VPS4A: variants seen among roughly 807,000 people sequenced by gnomAD.
VPS4A encodes vacuolar protein sorting 4 homolog A.
VPS4A carries 20 observed loss-of-function variants against 52.3 expected under a neutral mutation model. The ratio of observed to expected loss-of-function variants is 0.38; its 90% confidence interval spans 0.27 to 0.56. The LOEUF (loss-of-function observed/expected upper bound fraction) is 0.56, where lower values mean the gene tolerates loss of function less well. Ranked by LOEUF, VPS4A falls within the 20% of genes least tolerant of loss-of-function variation. The probability of loss-of-function intolerance (pLI) is 0.72; values close to 1 mark genes in which losing one functional copy is unlikely to be tolerated. For missense variants in VPS4A, 419 were observed against 575.9 expected, an observed-to-expected ratio of 0.73 and a Z score of 2.79; for synonymous variants, 293 against 227.7, an observed-to-expected ratio of 1.29 and a Z score of -2.58.
intron 5 of VPS4A, 69 bp from the exon 6 acceptor site, chr16:69,319,318 C>G (rs941333455): frequency 3.2e-6 from 5 of 1,586,590 alleles, no homozygotes; most frequent in African/African-American, 2.7e-5. Context: ...GTATGGGACT[C>G]GAGACCCTCT....
At position 69,322,801 on chromosome 16, in the gene VPS4A, A is replaced by G. The variant is rs935372983; in HGVS notation, c.1212+101A>G. 1.7e-5 allele frequency: 24 copies of G among 1,445,026 alleles called. 1 individual carries two copies. The highest frequency in any genetic ancestry group is 5.7e-5 in the South Asian group (4 of 70,378). The allele number at this position is 1,445,026 out of a possible 1,614,324, so 89.5% of individuals were successfully genotyped here. A position where few individuals can be genotyped will look rare whatever the true frequency, so the allele number is the denominator to read the frequency against. On this transcript the variant is annotated intron_variant, in intron 10 of 10. Coordinates refer to ENST00000254950, the MANE Select transcript of VPS4A (RefSeq NM_013245.3). ...CGGTCTTCTCCAGGCCAGGCATGGT[A>G]GCTCACGCCTGTAATCCCAGCACTT...
chr16:69,318,982 C>G (rs533533192), intron 5 of VPS4A, 40 bp downstream of exon 5: 1 of 1,598,208 alleles, frequency 6.3e-7, no homozygotes, highest in South Asian at 1.1e-5. Flanking sequence ...GTAAAAATTC[C>G]AGGCTTCCGC....
In VPS4A at chr16:69,320,864, T is replaced by A; in HGVS notation, c.851+95T>A. The A allele has an allele frequency of 7.4e-7, 1 of 1,343,164 alleles. No individual in the cohort carries two copies. The highest frequency in any genetic ancestry group is 2.5e-5 in the East Asian group (1 of 39,934). 83.2% of individuals were successfully genotyped at this position (1,343,164 alleles called of 1,614,324 possible). ...GGCAGCCCGGGTGCAGCCTGGCCCCTTTTCCCTGGAGTCTTCCCGTCTGCC... is the reference window on the plus strand; with the variant it reads ...GGCAGCCCGGGTGCAGCCTGGCCCCATTTCCCTGGAGTCTTCCCGTCTGCC... On this transcript the variant is annotated intron_variant, in intron 8 of 10. Transcript: ENST00000254950. The surrounding 1 kb of genome is among the most constrained non-coding windows in gnomAD (Gnocchi z 4.2).
Position 69,320,855 on chromosome 16 carries a change from C to A in VPS4A, c.851+86C>A. 1.4e-6 allele frequency: 2 copies of A among 1,397,870 alleles called. No homozygotes were observed. The highest frequency in any genetic ancestry group is 2.0e-6 in the Non-Finnish European group (2 of 1,014,220). The allele number at this position is 1,397,870 out of a possible 1,614,324, so 86.6% of individuals were successfully genotyped here. On this transcript the variant is annotated intron_variant, in intron 8 of 10. Coordinates refer to ENST00000254950, the MANE Select transcript of VPS4A (RefSeq NM_013245.3). The surrounding 1 kb of genome is among the most constrained non-coding windows in gnomAD (Gnocchi z 4.2). ...CCTGCTGCTGGCAGCCCGGGTGCAG[C>A]CTGGCCCCTTTTCCCTGGAGTCTTC...
In VPS4A at chr16:69,324,572, C is replaced by G. The variant is rs11548445; in HGVS notation, c.*263C>G. On this transcript the variant is annotated 3_prime_UTR_variant, in exon 11 of 11. Coordinates refer to ENST00000254950, the MANE Select transcript of VPS4A (RefSeq NM_013245.3). ...CTCATCAGCTCCTTCTGCCTCCCCC[C>G]CTTTTTTTTCCATCTTTTGTTCCCC... The G allele has an allele frequency of 0.017, 7,502 of 434,566 alleles. 480 individuals carry two copies. The highest frequency in any genetic ancestry group is 0.13 in the African/African-American group (6,700 of 50,972). 26.9% of individuals were successfully genotyped at this position (434,566 alleles called of 1,614,324 possible).
chr16:69,311,578 G>A, intron 1 of VPS4A, 46 bp downstream of exon 1: 1 of 1,260,376 alleles, frequency 7.9e-7, no homozygotes, highest in Non-Finnish European at 1.0e-6. Context: ...AAGGCAGCGG[G>A]GCCTGCGGGC....
chr16:69,314,697 G>A (rs887226738), intron 1 of VPS4A, among the ~76,000 whole-genome samples: 12 of 152,066 alleles, frequency 7.9e-5, no homozygotes, highest in African/African-American at 2.9e-4. Context: ...CTGTTTTGTC[G>A]AGCTGTCTGT....
chr16:69,322,646 G>C lies in VPS4A; in HGVS notation c.1158G>C (p.Glu386Asp), dbSNP rs1312983074. 1 of 1,613,978 alleles carries C rather than the reference G, an allele frequency of 6.2e-7. No homozygotes were observed. The highest frequency in any genetic ancestry group is 2.2e-5 in the East Asian group (1 of 44,880). The part of the protein sequence containing the change: ...PCSPGDPGAM[E>D]MTWMDVPGDK... The stretch of plus-strand genomic sequence containing the variant: ...CACCAGGGGACCCAGGAGCCATGGA[G>C]ATGACTTGGATGGATGTCCCTGGGG... Residue 386 changes from glutamate (E) to aspartate (D), a missense_variant, in exon 10 of 11, where the codon GAG becomes GAC. Physicochemically the swap from Glu to Asp is conservative, Grantham distance 45. Coordinates refer to ENST00000254950, the MANE Select transcript of VPS4A (RefSeq NM_013245.3).
At chr16:69,317,548 C>T (rs1965452275) in intron 3 of VPS4A, among the ~76,000 whole-genome samples, 1 of 152,054 alleles carries the variant, frequency 6.6e-6, no homozygotes, top group Non-Finnish European at 1.5e-5. Flanking sequence ...AATCCCAGCA[C>T]TTTGGGAAGC....
Position 69,321,495 on chromosome 16 carries a change from G to A in VPS4A, c.1071+225G>A, listed in dbSNP as rs1235388624. 1 of 588,852 alleles carries A rather than the reference G, an allele frequency of 1.7e-6. No individual in the cohort carries two copies. The highest frequency in any genetic ancestry group is 2.9e-5 in the East Asian group (1 of 34,524). 36.5% of individuals were successfully genotyped at this position (588,852 alleles called of 1,614,324 possible). ...CAGGGTGTGTGAAAGCAGAGGACAGGGCCACTTTACTGTCTTAACCCTGCT... is the reference window on the plus strand; with the variant it reads ...CAGGGTGTGTGAAAGCAGAGGACAGAGCCACTTTACTGTCTTAACCCTGCT... On this transcript the variant is annotated intron_variant, in intron 9 of 10. Transcript: ENST00000254950. This position sits in a 1 kb window ranked among gnomAD's most constrained non-coding sequence, Gnocchi z 4.5.
At chr16:69,323,967 A>C (rs571396032) in intron 10 of VPS4A, among the ~76,000 whole-genome samples, 67 of 148,968 alleles carry the variant, frequency 4.5e-4, no homozygotes, top group South Asian at 2.7e-3. Flanking sequence ...AAAAAAAAAG[A>C]AAGCAAGTTC....
chr16:69,320,171 G>A lies in VPS4A; in HGVS notation c.651G>A (p.Arg217=), dbSNP rs370753907. The part of the protein sequence containing the change: ...KLVKNLFELA[R]QHKPSIIFID... ...TCAAGAACCTGTTTGAGCTGGCCAGGCAGCACAAGCCCTCCATCATCTTCA... is the reference window on the plus strand; with the variant it reads ...TCAAGAACCTGTTTGAGCTGGCCAGACAGCACAAGCCCTCCATCATCTTCA... The change falls in exon 7 of 11, where the codon AGG becomes AGA. Residue 217 remains arginine (R), a synonymous_variant. Coordinates refer to ENST00000254950, the MANE Select transcript of VPS4A (RefSeq NM_013245.3). This position sits in a 1 kb window ranked among gnomAD's most constrained non-coding sequence, Gnocchi z 4.2. The A allele has an allele frequency of 4.0e-5, 64 of 1,613,868 alleles. No homozygotes were observed. In the East Asian group the frequency reaches 1.1e-3, roughly 28 times the overall value.
intron 3 of VPS4A, among the ~76,000 whole-genome samples, chr16:69,317,855 C>T (rs775496024): frequency 1.0e-4 from 15 of 149,778 alleles, no homozygotes; most frequent in South Asian, 2.1e-4. Flanking sequence ...GGGAGGCTGA[C>T]GCCAGAGAAT....
At chr16:69,318,029 A>C (rs1434680834) in intron 3 of VPS4A, among the ~76,000 whole-genome samples, 3 of 134,242 alleles carry the variant, frequency 2.2e-5, no homozygotes, top group Non-Finnish European at 4.7e-5. Context: ...TTTTTCCCCC[A>C]GACAGGGCTT....
chr16:69,320,597 T>A lies in VPS4A; in HGVS notation c.770-91T>A. The stretch of plus-strand genomic sequence containing the variant: ...GTGGCACAGGGATGGCTTCAATTGC[T>A]GACACACAAAGCCCCCGGGGTCTGT... On this transcript the variant is annotated intron_variant, in intron 7 of 10. Coordinates refer to ENST00000254950, the MANE Select transcript of VPS4A (RefSeq NM_013245.3). The surrounding 1 kb of genome is among the most constrained non-coding windows in gnomAD (Gnocchi z 4.2). 1.7e-6 allele frequency: 2 copies of A among 1,146,424 alleles called. No homozygotes were observed. The highest frequency in any genetic ancestry group is 2.5e-6 in the Non-Finnish European group (2 of 799,624). The allele number at this position is 1,146,424 out of a possible 1,614,324, so 71.0% of individuals were successfully genotyped here. A position where few individuals can be genotyped will look rare whatever the true frequency, so the allele number is the denominator to read the frequency against.
chr16:69,323,579 C>A, intron 10 of VPS4A: 1 of 452,976 alleles, frequency 2.2e-6, no homozygotes, highest in South Asian at 1.6e-5. Context: ...GCAAAGGCAG[C>A]GCCTCACCTG....
chr16:69,321,177 G>T lies in VPS4A; in HGVS notation c.978G>T (p.Thr326=), dbSNP rs772873947. The T allele has an allele frequency of 1.0e-5, 16 of 1,577,880 alleles. No homozygotes were observed. The highest frequency in any genetic ancestry group is 1.3e-5 in the Non-Finnish European group (15 of 1,162,558). The change falls in exon 9 of 11, where the codon ACG becomes ACT. Residue 326 remains threonine, a synonymous_variant. Coordinates refer to ENST00000254950, the MANE Select transcript of VPS4A (RefSeq NM_013245.3). The surrounding 1 kb of genome is among the most constrained non-coding windows in gnomAD (Gnocchi z 4.5). ...DANIHELARK[T]EGYSGADISI... ...ACATCCACGAGCTGGCCCGGAAGACGGAAGGCTACTCGGGCGCGGACATCA... is the reference window on the plus strand; with the variant it reads ...ACATCCACGAGCTGGCCCGGAAGACTGAAGGCTACTCGGGCGCGGACATCA...
rs1965562652 is a variant in VPS4A at position 69,324,701 on chromosome 16, A to G, written c.*392A>G. On this transcript the variant is annotated 3_prime_UTR_variant, in exon 11 of 11. Coordinates refer to ENST00000254950, the MANE Select transcript of VPS4A (RefSeq NM_013245.3). ...GCGGGGGAGAAGCAGCCGTGCTGCCAGGTCACCCAGACCTCCAGACAGCCG... is the reference window on the plus strand; with the variant it reads ...GCGGGGGAGAAGCAGCCGTGCTGCCGGGTCACCCAGACCTCCAGACAGCCG... The G allele has an allele frequency of 4.6e-6, 1 of 217,878 alleles. No homozygotes were observed. Among genetic ancestry groups the G allele is most frequent in the Non-Finnish European group, 9.6e-6 (1 of 104,548 alleles). The allele number at this position is 217,878 out of a possible 1,614,324, so 13.5% of individuals were successfully genotyped here.
Position 69,321,003 on chromosome 16 carries a change from CCATT to C in VPS4A, c.852-46_852-43del. On this transcript the variant is annotated intron_variant, in intron 8 of 10. Transcript: ENST00000254950. The surrounding 1 kb of genome is among the most constrained non-coding windows in gnomAD (Gnocchi z 4.5). ...CTTCGTGCCTCCCCTTCCGTGAATA[CCATT>C]CCATCATCCGCTGTCAACTCCTGCC... is the stretch of plus-strand genomic sequence containing the variant. The C allele has an allele frequency of 6.6e-7, 1 of 1,526,196 alleles. No homozygotes were observed. The highest frequency in any genetic ancestry group is 8.9e-7 in the Non-Finnish European group (1 of 1,123,920). The allele number at this position is 1,526,196 out of a possible 1,614,324, so 94.5% of individuals were successfully genotyped here.
Sources: gnomAD v4.1 joint callset for allele counts (sites outside exome capture counted in the v4.1 genomes callset) on GRCh38, gnomAD v4.1.1 for gene constraint, Gnocchi (gnomAD v3.1) non-coding constraint, MANE v1.5 for transcripts, NCBI Gene and HGNC (gene_info 2026-07-23, HGNC 2026-07-21) for gene names.